FER: variants seen among roughly 807,000 people sequenced by gnomAD.
The protein encoded by FER is FER tyrosine kinase.
Under a neutral mutation model 111.0 loss-of-function variants are expected in FER, and 63 were observed. The observed-to-expected ratio is 0.57, with a 90% CI of 0.46 to 0.70. The LOEUF (loss-of-function observed/expected upper bound fraction) is 0.70, where lower values mean the gene tolerates loss of function less well. Ranked by LOEUF, FER falls within the 30% of genes least tolerant of loss-of-function variation. FER has a pLI of 0.00. For missense variants in FER, 914 were observed against 954.0 expected (o/e 0.96, Z 0.55); for synonymous variants, 327 against 313.9 (o/e 1.04, Z -0.44).
chr5:109,160,908 C>T (rs547215904), intron 17 of FER, among the ~76,000 whole-genome samples: 4 of 152,248 alleles, frequency 2.6e-5, no homozygotes, highest in Admixed American at 1.3e-4. Flanking sequence ...AGACTGATGA[C>T]GGATGCTACA....
chr5:108,919,866 A>G (rs1752797969), intron 10 of FER, among the ~76,000 whole-genome samples: 1 of 152,156 alleles, frequency 6.6e-6, no homozygotes, highest in Non-Finnish European at 1.5e-5. Flanking sequence ...AGGCAAAATC[A>G]CATAACCTCT....
At chr5:108,993,775 TA>T (rs984476720) in intron 13 of FER, among the ~76,000 whole-genome samples, 4 of 152,218 alleles carry the variant, frequency 2.6e-5, no homozygotes, top group Admixed American at 2.6e-4. Context: ...TGTTTCTCCA[TA>T]GCCTTGCCAG....
intron 3 of FER, among the ~76,000 whole-genome samples, chr5:108,831,550 A>C (rs1760047475): frequency 6.6e-6 from 1 of 152,302 alleles, no homozygotes; most frequent in Admixed American, 6.5e-5. Flanking sequence ...TATAGGCCGC[A>C]CATATGTTCC....
chr5:108,871,654 T>G (rs1764609961), intron 7 of FER, 152 bp downstream of exon 7: 1 of 566,494 alleles, frequency 1.8e-6, no homozygotes, highest in Non-Finnish European at 2.8e-6. Context: ...TTTTAAAAGT[T>G]CTTTGTCAAT....
intron 10 of FER, among the ~76,000 whole-genome samples, chr5:108,919,593 T>C (rs61640970): frequency 0.19 from 28,610 of 152,114 alleles, 2,953 homozygotes; most frequent in African/African-American, 0.28. Flanking sequence ...CTAAACAGTA[T>C]GCTAGATATA....
rs1352667966 is a variant in FER, at chr5:108,923,600, A to G, written c.1237-22530A>G. ...CTTTGTTTAAAAAAATGAATGAATA[A>G]AGCAGGGATTTATAAAGCAATTAAC... On this transcript the variant is annotated intron_variant, in intron 10 of 19. Coordinates refer to ENST00000281092, the MANE Select transcript of FER (RefSeq NM_005246.4). Among the ~76,000 whole-genome samples the G allele has an allele frequency of 2.0e-5, 3 of 152,284 alleles. No individual in the cohort carries two copies. The East Asian group carries it at 5.8e-4, about 29-fold the overall frequency.
At chr5:109,099,777 GGT>G (rs1748000007) in intron 16 of FER, among the ~76,000 whole-genome samples, 1 of 151,418 alleles carries the variant, frequency 6.6e-6, no homozygotes, top group Non-Finnish European at 1.5e-5. Context: ...GGACCATAAA[GGT>G]TTAAGAAGGT....
intron 2 of FER, among the ~76,000 whole-genome samples, chr5:108,769,878 A>G (rs1033481539): frequency 6.6e-6 from 1 of 152,198 alleles, no homozygotes; most frequent in African/African-American, 2.4e-5. Context: ...GAAATAAAGC[A>G]TCTGGCAAAT....
chr5:109,011,823 C>G (rs1430419421), intron 13 of FER, among the ~76,000 whole-genome samples: 1 of 152,134 alleles, frequency 6.6e-6, no homozygotes, highest in Non-Finnish European at 1.5e-5. Context: ...AAAACAATAG[C>G]GAGCTGATAC....
intron 3 of FER, among the ~76,000 whole-genome samples, chr5:108,808,011 A>C (rs962309519): frequency 7.2e-6 from 1 of 139,020 alleles, no homozygotes; most frequent in African/African-American, 2.7e-5. Context: ...TTTTTTTTTT[A>C]ATTTACTGGG....
chr5:108,749,239 C>T lies in FER; in HGVS notation c.-206+1239C>T, dbSNP rs562516701. Among the ~76,000 whole-genome samples, 33 of 152,018 alleles carry T rather than the reference C, an allele frequency of 2.2e-4. No homozygotes were observed. The East Asian group carries it at 5.9e-3, about 27-fold the overall frequency. On this transcript the variant is annotated intron_variant, in intron 1 of 19. Transcript: ENST00000281092. ...GCTCATCCTCCCGCCCGCAGCAGAGCATTCCTGGTTGGGGCTTGGGCCGGG... is the reference window on the plus strand; with the variant it reads ...GCTCATCCTCCCGCCCGCAGCAGAGTATTCCTGGTTGGGGCTTGGGCCGGG...
chr5:109,030,845 CTTTT>C (rs981689347), intron 13 of FER, among the ~76,000 whole-genome samples: 1 of 151,920 alleles, frequency 6.6e-6, no homozygotes, highest in East Asian at 1.9e-4. Flanking sequence ...CAGGATAGGT[CTTTT>C]TTTTGTGGCA....
At chr5:109,057,069 A>G (rs953915469) in intron 16 of FER, among the ~76,000 whole-genome samples, 1 of 152,174 alleles carries the variant, frequency 6.6e-6, no homozygotes, top group Non-Finnish European at 1.5e-5. Context: ...TGGACATAGT[A>G]TATCTCTGTA....
At chr5:108,977,581 G>A (rs1002240792) in intron 13 of FER, among the ~76,000 whole-genome samples, 1 of 152,136 alleles carries the variant, frequency 6.6e-6, no homozygotes, top group African/African-American at 2.4e-5. Context: ...AACTCATTAT[G>A]TTGATTTACT....
At chr5:108,942,783 T>G (rs1756448728) in intron 10 of FER, among the ~76,000 whole-genome samples, 1 of 152,206 alleles carries the variant, frequency 6.6e-6, no homozygotes, top group Non-Finnish European at 1.5e-5. Context: ...AAGGTAGTCT[T>G]CTCTGGGGTT....
chr5:108,752,533 C>G (rs1371065501), intron 1 of FER, among the ~76,000 whole-genome samples: 3 of 151,716 alleles, frequency 2.0e-5, no homozygotes, highest in Non-Finnish European at 2.9e-5. Context: ...AAATAGAGGA[C>G]AGATTAGAGT....
intron 11 of FER, among the ~76,000 whole-genome samples, chr5:108,954,139 G>A (rs1276388795): frequency 6.6e-6 from 1 of 151,996 alleles, no homozygotes; most frequent in Non-Finnish European, 1.5e-5. Flanking sequence ...ATTTCTCCTA[G>A]GGCTTTATCT....
chr5:108,800,235 A>G (rs1024667758), intron 3 of FER, among the ~76,000 whole-genome samples: 1 of 152,126 alleles, frequency 6.6e-6, no homozygotes, highest in African/African-American at 2.4e-5. Flanking sequence ...CTGTTGACAT[A>G]TCTTATTTGC....
At chr5:109,079,581 T>C (rs1007399297) in intron 16 of FER, among the ~76,000 whole-genome samples, 10 of 152,158 alleles carry the variant, frequency 6.6e-5, no homozygotes, top group Non-Finnish European at 1.2e-4. Flanking sequence ...TATCTTCCCC[T>C]GTATGCACAG....
Sources: gnomAD v4.1 joint callset for allele counts (sites outside exome capture counted in the v4.1 genomes callset) on GRCh38, gnomAD v4.1.1 for gene constraint, MANE v1.5 for transcripts, NCBI Gene and HGNC (gene_info 2026-07-23, HGNC 2026-07-21) for gene names.